RAB19: variants seen among roughly 807,000 people sequenced by gnomAD.
RAB19 encodes ras-related protein Rab-19.
Under a neutral mutation model 17.3 loss-of-function variants are expected in RAB19, and 21 were observed. The observed-to-expected ratio is 1.21, with a 90% CI of 0.86 to 1.74. The LOEUF is 1.74. Among genes scored for constraint, RAB19 ranks in the 40% most tolerant of loss-of-function variants. The probability of loss-of-function intolerance (pLI) is 0.00; values close to 1 mark genes in which losing one functional copy is unlikely to be tolerated. For synonymous variants in RAB19, 126 were observed against 110.4 expected (o/e 1.14, Z -0.88); for missense variants, 277 against 286.8 (o/e 0.97, Z 0.25).
At chr7:140,415,455 A>C (rs1476525336) in intron 3 of RAB19, among the ~76,000 whole-genome samples, 1 of 152,052 alleles carries the variant, frequency 6.6e-6, no homozygotes, top group Non-Finnish European at 1.5e-5. Context: ...TTTCCACTTA[A>C]AGTCCTGTTA....
chr7:140,423,453 A>C (rs909495397), intron 3 of RAB19, among the ~76,000 whole-genome samples: 3 of 150,104 alleles, frequency 2.0e-5, no homozygotes, highest in East Asian at 3.9e-4. Flanking sequence ...AAAAAAAAAA[A>C]CACAAATGTT....
intron 2 of RAB19, among the ~76,000 whole-genome samples, chr7:140,411,643 T>G (rs1799363820): frequency 6.6e-6 from 1 of 152,124 alleles, no homozygotes; most frequent in Non-Finnish European, 1.5e-5. Flanking sequence ...TCCCGTGGGT[T>G]GCGGGTTGGA....
chr7:140,406,453 A>G (rs766367824), intron 1 of RAB19, among the ~76,000 whole-genome samples: 34 of 151,768 alleles, frequency 2.2e-4, no homozygotes, highest in Non-Finnish European at 4.0e-4. Flanking sequence ...CAGCCTGACC[A>G]ACATGGTGAA....
At chr7:140,424,619 C>CTCTCTATA (rs1417797554) in intron 3 of RAB19, among the ~76,000 whole-genome samples, 1 of 87,892 alleles carries the variant, frequency 1.1e-5, no homozygotes, top group Non-Finnish European at 2.3e-5. Flanking sequence ...CTCTCTCTCT[C>CTCTCTATA]TATATATATA....
In RAB19 at chr7:140,426,136, C is replaced by T. The variant is rs1363571185; in HGVS notation, c.640C>T (p.His214Tyr). 1 of 1,613,414 alleles carries T rather than the reference C, an allele frequency of 6.2e-7. No homozygotes were observed. The highest frequency in any genetic ancestry group is 1.7e-5 in the Admixed American group (1 of 59,796). ...LMAQGPSEKTHCTC is the reference protein window; with the variant it reads ...LMAQGPSEKTYCTC ...GGCCCAGGGTCCAAGTGAAAAGACC[C>T]ACTGCACTTGCTAAGATGTTTGCAA... Residue 214 changes from histidine (H) to tyrosine (Y), a missense_variant, in exon 4 of 4, where the codon CAC becomes TAC. By Grantham distance (83) the His-to-Tyr change is moderately conservative. Transcript: ENST00000537763.
At chr7:140,412,366 C>T (rs547945178) in intron 3 of RAB19, among the ~76,000 whole-genome samples, 3 of 152,030 alleles carry the variant, frequency 2.0e-5, no homozygotes, top group Admixed American at 2.0e-4. Context: ...GCAGGAGAAT[C>T]GCTTGAACCC....
intron 3 of RAB19, among the ~76,000 whole-genome samples, chr7:140,424,511 G>T (rs546847223): frequency 6.6e-6 from 1 of 151,102 alleles, no homozygotes; most frequent in Admixed American, 6.6e-5. Flanking sequence ...CAATTTCCTG[G>T]TATTGATAAT....
chr7:140,409,199 A>G (rs142837266), intron 2 of RAB19, among the ~76,000 whole-genome samples: 1 of 151,724 alleles, frequency 6.6e-6, no homozygotes, highest in African/African-American at 2.4e-5. Flanking sequence ...CCCTGTCTCT[A>G]CTAAAAATAC....
intron 3 of RAB19, among the ~76,000 whole-genome samples, chr7:140,418,850 C>T (rs576701624): frequency 8.2e-6 from 1 of 121,636 alleles, no homozygotes; most frequent in Non-Finnish European, 1.7e-5. Context: ...CACAGTGAAA[C>T]CCTGTCTCAA....
chr7:140,417,495 C>G (rs1384770609), intron 3 of RAB19, among the ~76,000 whole-genome samples: 1 of 152,104 alleles, frequency 6.6e-6, no homozygotes, highest in Non-Finnish European at 1.5e-5. Flanking sequence ...CCCACCACAT[C>G]CCTTCTTCCA....
At position 140,426,828 on chromosome 7, in the gene RAB19, T is replaced by A. The variant is rs945273115; in HGVS notation, c.*678T>A. Among the ~76,000 whole-genome samples, 1 of 109,038 alleles carries A rather than the reference T, an allele frequency of 9.2e-6. No individual in the cohort carries two copies. The highest frequency in any genetic ancestry group is 1.9e-5 in the Non-Finnish European group (1 of 53,594). The allele number at this position is 109,038 out of a possible 152,430, so 71.5% of individuals were successfully genotyped here. On this transcript the variant is annotated 3_prime_UTR_variant, in exon 4 of 4. Transcript: ENST00000537763. ...TGGGATAGGGGAAGACACCTGCAAT[T>A]TTTTTTCTTTCTTTTTTTTTTTTTT...
At chr7:140,408,181 G>A (rs1371793853) in intron 2 of RAB19, among the ~76,000 whole-genome samples, 1 of 151,694 alleles carries the variant, frequency 6.6e-6, no homozygotes, top group Non-Finnish European at 1.5e-5. Context: ...CACCGCGCCT[G>A]GCCAGTTCCA....
At chr7:140,416,077 T>G (rs1799452277) in intron 3 of RAB19, among the ~76,000 whole-genome samples, 1 of 151,888 alleles carries the variant, frequency 6.6e-6, no homozygotes, top group African/African-American at 2.4e-5. Context: ...GTGCAGTGGC[T>G]CACGTCTGTA....
intron 3 of RAB19, among the ~76,000 whole-genome samples, chr7:140,423,182 G>A (rs1799592538): frequency 6.6e-6 from 1 of 152,128 alleles, no homozygotes. Flanking sequence ...GCTCACGCCT[G>A]TAATCCCAAC....
intron 2 of RAB19, chr7:140,411,096 G>C: frequency 7.3e-7 from 1 of 1,367,590 alleles, no homozygotes; most frequent in Non-Finnish European, 9.8e-7. Context: ...CAAGACCCCA[G>C]GATAAAATAG....
chr7:140,406,393 A>C (rs1270471104), intron 1 of RAB19, among the ~76,000 whole-genome samples: 1 of 152,034 alleles, frequency 6.6e-6, no homozygotes, highest in Non-Finnish European at 1.5e-5. Context: ...TAATCCCAGC[A>C]CTTTGGGAGA....
intron 2 of RAB19, 22 bp from the exon 3 acceptor site, chr7:140,411,852 T>C (rs1206406617): frequency 1.2e-6 from 2 of 1,614,058 alleles, no homozygotes; most frequent in Admixed American, 3.3e-5. Context: ...TGATTTGGAC[T>C]CTCCTTCCTG....
At chr7:140,409,992 C>CAA (rs760964553) in intron 2 of RAB19, among the ~76,000 whole-genome samples, 19 of 94,128 alleles carry the variant, frequency 2.0e-4, no homozygotes, top group Non-Finnish European at 2.1e-4. Flanking sequence ...GACTCCGTCT[C>CAA]AAAAAAAAAA....
chr7:140,407,488 C>T (rs972963964), intron 1 of RAB19, 136 bp from the exon 2 acceptor site: 9 of 629,664 alleles, frequency 1.4e-5, no homozygotes, highest in Non-Finnish European at 2.5e-5. Context: ...ATGGGGACAA[C>T]TCCTCTGTGC....
Sources: allele counts gnomAD v4.1 joint callset (sites outside exome capture counted in the v4.1 genomes callset), GRCh38; gene constraint gnomAD v4.1.1; transcripts MANE v1.5; gene names NCBI Gene and HGNC (gene_info 2026-07-23, HGNC 2026-07-21).